The following C14orf132 variants were observed in gnomAD, a reference collection of about 807,000 sequenced individuals.
The protein encoded by C14orf132 is uncharacterized protein C14orf132.
Under a neutral mutation model 5.8 loss-of-function variants are expected in C14orf132, and 6 were observed. The ratio of observed to expected loss-of-function variants is 1.03; its 90% CI spans 0.57 to 2.04. The LOEUF is 2.04. Ranked by LOEUF, C14orf132 falls within the 30% of genes most tolerant of loss-of-function variation. The pLI is 0.00. For synonymous variants in C14orf132, 51 were observed against 49.8 expected, an observed-to-expected ratio of 1.02 and a Z score of -0.10; for missense variants, 125 against 115.8, an observed-to-expected ratio of 1.08 and a Z score of -0.37.
At chr14:96,074,161 T>C (rs1173406736) in intron 1 of C14orf132, among the ~76,000 whole-genome samples, 1 of 152,224 alleles carries the variant, frequency 6.6e-6, no homozygotes, top group Non-Finnish European at 1.5e-5. Context: ...CTGCACCTTC[T>C]GCACATGGAC....
At chr14:96,049,649 T>TAC (rs1479426721) in intron 1 of C14orf132, among the ~76,000 whole-genome samples, 922 of 79,540 alleles carry the variant, frequency 0.012, 91 homozygotes, top group African/African-American at 0.02. Flanking sequence ...CGTATATATA[T>TAC]ATATAGAGAG....
At chr14:96,049,492 A>ACG (rs1886936343) in intron 1 of C14orf132, among the ~76,000 whole-genome samples, 2 of 145,646 alleles carry the variant, frequency 1.4e-5, no homozygotes, top group Non-Finnish European at 3.0e-5. Context: ...ATATGCATAT[A>ACG]TATACGTATA....
intron 1 of C14orf132, among the ~76,000 whole-genome samples, chr14:96,084,674 A>T (rs1888125327): frequency 6.6e-6 from 1 of 152,134 alleles, no homozygotes; most frequent in Admixed American, 6.5e-5. Flanking sequence ...AATGTACCCC[A>T]CGAGGGGTGA....
intron 1 of C14orf132, among the ~76,000 whole-genome samples, chr14:96,066,975 T>C (rs1002026514): frequency 2.0e-5 from 3 of 152,176 alleles, no homozygotes; most frequent in African/African-American, 7.2e-5. Context: ...ACGTATGGGC[T>C]GTGCCAGCTC....
At chr14:96,060,669 T>C (rs1887325722) in intron 1 of C14orf132, among the ~76,000 whole-genome samples, 1 of 152,170 alleles carries the variant, frequency 6.6e-6, no homozygotes, top group African/African-American at 2.4e-5. Flanking sequence ...CCAATTCCCA[T>C]GCTGCATGCC....
rs567155827 is a variant in C14orf132 at position 96,066,705 on chromosome 14, A to G, written c.28-19806A>G. Among the ~76,000 whole-genome samples the G allele has an allele frequency of 1.2e-4, 19 of 152,328 alleles. No individual in the cohort carries two copies. In the East Asian group the frequency reaches 3.7e-3, roughly 29 times the overall value. On this transcript the variant is annotated intron_variant, in intron 1 of 1. Transcript: ENST00000555004. ...TGCTCACAGTCCCTAAGAAAAATAG[A>G]CAAGTACACAGTTAACTATAATGTA... is the stretch of plus-strand genomic sequence containing the variant.
chr14:96,084,267 A>T (rs1300192610), intron 1 of C14orf132, among the ~76,000 whole-genome samples: 1 of 152,216 alleles, frequency 6.6e-6, no homozygotes, highest in Non-Finnish European at 1.5e-5. Flanking sequence ...AATTCCTGGG[A>T]ATCTGGCAGG....
chr14:96,069,699 C>T (rs941341525), intron 1 of C14orf132, among the ~76,000 whole-genome samples: 2 of 152,176 alleles, frequency 1.3e-5, no homozygotes, highest in Non-Finnish European at 2.9e-5. Context: ...CCATGAGTTA[C>T]TTATGTAATG....
At chr14:96,057,244 T>C (rs1338040877) in intron 1 of C14orf132, among the ~76,000 whole-genome samples, 1 of 152,196 alleles carries the variant, frequency 6.6e-6, no homozygotes, top group African/African-American at 2.4e-5. Flanking sequence ...AGGCGGTGAA[T>C]GCACTCCTTC....
intron 1 of C14orf132, among the ~76,000 whole-genome samples, chr14:96,076,482 C>G (rs1410962329): frequency 6.6e-6 from 1 of 151,938 alleles, no homozygotes; most frequent in South Asian, 2.1e-4. Context: ...TTTAATCTTC[C>G]CCTCTTCCTA....
intron 1 of C14orf132, among the ~76,000 whole-genome samples, chr14:96,047,551 G>C (rs955567415): frequency 6.6e-6 from 1 of 152,108 alleles, no homozygotes; most frequent in Non-Finnish European, 1.5e-5. Context: ...ATGCCTTTGA[G>C]GTAGCAGACA....
chr14:96,070,602 A>T (rs868037706), intron 1 of C14orf132, among the ~76,000 whole-genome samples: 13,357 of 142,186 alleles, frequency 0.094, 564 homozygotes, highest in Non-Finnish European at 0.1. Flanking sequence ...TCTCTCACAC[A>T]CACACACACA....
rs141735512 is a variant in C14orf132, at chr14:96,064,462, G to GTA, written c.28-22037_28-22036dup. On this transcript the variant is annotated intron_variant, in intron 1 of 1. Transcript: ENST00000555004. ...TGTGTATATATATGTGTATATGTAT[G>GTA]TATATATATATATGATGGACTACTA... is the stretch of plus-strand genomic sequence containing the variant. Among the ~76,000 whole-genome samples, 127 of 147,474 alleles carry GTA rather than the reference G, an allele frequency of 8.6e-4. 1 individual carries two copies. Among genetic ancestry groups the GTA allele is most frequent in the South Asian group, 4.3e-3 (20 of 4,626 alleles).
chr14:96,061,808 G>T (rs1394316994), intron 1 of C14orf132, among the ~76,000 whole-genome samples: 1 of 152,074 alleles, frequency 6.6e-6, no homozygotes, highest in Non-Finnish European at 1.5e-5. Flanking sequence ...TACTTGAGAG[G>T]CTGAGGCAGG....
At chr14:96,067,193 C>T (rs565097689) in intron 1 of C14orf132, among the ~76,000 whole-genome samples, 8 of 152,306 alleles carry the variant, frequency 5.3e-5, no homozygotes, top group Non-Finnish European at 8.8e-5. Flanking sequence ...CAGGCAGCAG[C>T]GTGCCAGCAC....
At chr14:96,064,009 G>A (rs4905422) in intron 1 of C14orf132, among the ~76,000 whole-genome samples, 82,332 of 151,796 alleles carry the variant, frequency 0.54, 23,442 homozygotes, top group African/African-American at 0.7. Flanking sequence ...AATGCAAATC[G>A]AAACCACAAT....
intron 1 of C14orf132, among the ~76,000 whole-genome samples, chr14:96,046,631 G>A (rs529025268): frequency 2.8e-4 from 43 of 152,348 alleles, no homozygotes; most frequent in African/African-American, 9.1e-4. Flanking sequence ...TTGGAATCTG[G>A]CCCTTGCCAG....
chr14:96,067,882 C>T (rs1887578883), intron 1 of C14orf132, among the ~76,000 whole-genome samples: 2 of 152,006 alleles, frequency 1.3e-5, no homozygotes, highest in African/African-American at 4.8e-5. Context: ...TATAGGGGTT[C>T]CAGAGAGAGT....
intron 1 of C14orf132, among the ~76,000 whole-genome samples, chr14:96,078,499 G>A (rs1462768309): frequency 3.9e-5 from 6 of 152,190 alleles, no homozygotes; most frequent in East Asian, 3.9e-4. Context: ...AGCTGTTGCC[G>A]CCTTCTTGCC....
Sources: gnomAD v4.1 joint callset for allele counts (sites outside exome capture counted in the v4.1 genomes callset) on GRCh38, gnomAD v4.1.1 for gene constraint, MANE v1.5 for transcripts, NCBI Gene and HGNC (gene_info 2026-07-23, HGNC 2026-07-21) for gene names.